Variants in NDFIP2 observed in about 807,000 individuals in gnomAD.
NDFIP2 encodes Nedd4 family interacting protein 2.
A neutral mutation model predicts 36.0 loss-of-function variants in NDFIP2; 19 were observed. The observed-to-expected ratio is 0.53, with a 90% CI of 0.37 to 0.77. The LOEUF (loss-of-function observed/expected upper bound fraction) is 0.77. Ranked by LOEUF, NDFIP2 falls within the 30% of genes least tolerant of loss-of-function variation. The probability of loss-of-function intolerance (pLI) is 0.00; values close to 1 mark genes in which losing one functional copy is unlikely to be tolerated. For synonymous variants in NDFIP2, 181 were observed against 167.7 expected (o/e 1.08, Z -0.61); for missense variants, 446 against 435.8 (o/e 1.02, Z -0.21).
At chr13:79,549,731 T>G (rs970358190) in intron 6 of NDFIP2, among the ~76,000 whole-genome samples, 1 of 151,830 alleles carries the variant, frequency 6.6e-6, no homozygotes, top group Non-Finnish European at 1.5e-5. Flanking sequence ...AAGGAAGGGA[T>G]CCCACAAATA....
chr13:79,521,001 A>G (rs759379013), intron 2 of NDFIP2, 26 bp downstream of exon 2: 2 of 1,521,210 alleles, frequency 1.3e-6, no homozygotes, highest in South Asian at 1.2e-5. Context: ...TAATGTTTTT[A>G]TTAGTTCTTT....
In NDFIP2 at chr13:79,552,964, T is replaced by G. The variant is rs1875962536; in HGVS notation, c.*451T>G. The G allele has an allele frequency of 6.6e-6, 1 of 151,876 alleles. No homozygotes were observed. Among genetic ancestry groups the G allele is most frequent in the Non-Finnish European group, 1.5e-5 (1 of 67,480 alleles). 9.4% of individuals were successfully genotyped at this position (151,876 alleles called of 1,614,324 possible). On this transcript the variant is annotated 3_prime_UTR_variant, in exon 8 of 8. Coordinates refer to ENST00000218652, the MANE Select transcript of NDFIP2 (RefSeq NM_019080.3). ...CTGGCTCTTAGACTCATCTGGCAGT[T>G]CTACACATGAAACATCTTTTGTTAT... is the stretch of plus-strand genomic sequence containing the variant.
chr13:79,548,437 C>CA (rs1566669330), intron 6 of NDFIP2, 43 bp downstream of exon 6: 1 of 1,380,326 alleles, frequency 7.2e-7, no homozygotes, highest in South Asian at 1.3e-5. Flanking sequence ...TGGATATTTC[C>CA]AAAAACTGTA....
At chr13:79,484,346 G>A (rs750758625) in intron 1 of NDFIP2, among the ~76,000 whole-genome samples, 1 of 152,072 alleles carries the variant, frequency 6.6e-6, no homozygotes, top group Non-Finnish European at 1.5e-5. Context: ...TTATGTACCT[G>A]TACCAAGCTG....
chr13:79,500,692 A>T (rs552898316), intron 1 of NDFIP2, among the ~76,000 whole-genome samples: 10 of 152,110 alleles, frequency 6.6e-5, no homozygotes, highest in Non-Finnish European at 1.2e-4. Context: ...TGGAACAAGA[A>T]CTCTCATTCA....
At chr13:79,534,360 T>TG (rs1008560647) in intron 3 of NDFIP2, among the ~76,000 whole-genome samples, 7 of 148,646 alleles carry the variant, frequency 4.7e-5, no homozygotes, top group African/African-American at 1.7e-4. Context: ...GTTTTTTTTT[T>TG]TTTTTTTTTT....
intron 1 of NDFIP2, among the ~76,000 whole-genome samples, chr13:79,484,731 A>T (rs1259742647): frequency 1.3e-5 from 2 of 152,180 alleles, no homozygotes; most frequent in Non-Finnish European, 1.5e-5. Flanking sequence ...AAATTAGCTG[A>T]GAAGGAGGCT....
At chr13:79,516,625 G>GT (rs1874350765) in intron 1 of NDFIP2, among the ~76,000 whole-genome samples, 1 of 152,046 alleles carries the variant, frequency 6.6e-6, no homozygotes. Flanking sequence ...ATATTCATTG[G>GT]TTTTTTAGAT....
chr13:79,541,246 A>G (rs766536968), intron 4 of NDFIP2, among the ~76,000 whole-genome samples: 4 of 151,782 alleles, frequency 2.6e-5, no homozygotes, highest in Non-Finnish European at 5.9e-5. Flanking sequence ...CAGAAGTCTT[A>G]TTTCTCCGTT....
chr13:79,493,578 A>G (rs189447162), intron 1 of NDFIP2, among the ~76,000 whole-genome samples: 1 of 152,244 alleles, frequency 6.6e-6, no homozygotes, highest in African/African-American at 2.4e-5. Context: ...CAATCTTCTC[A>G]TTTTACAGAA....
chr13:79,531,035 C>G (rs189304567), intron 2 of NDFIP2, among the ~76,000 whole-genome samples: 4 of 152,238 alleles, frequency 2.6e-5, no homozygotes, highest in African/African-American at 9.6e-5. Context: ...AAATATAGCT[C>G]TAAAATCATA....
At chr13:79,519,766 T>G (rs890102686) in intron 1 of NDFIP2, among the ~76,000 whole-genome samples, 4 of 152,182 alleles carry the variant, frequency 2.6e-5, no homozygotes, top group Non-Finnish European at 5.9e-5. Context: ...ACACATCAAC[T>G]TATTTTGCTT....
At chr13:79,540,792 T>C (rs967786921) in intron 4 of NDFIP2, among the ~76,000 whole-genome samples, 1 of 152,130 alleles carries the variant, frequency 6.6e-6, no homozygotes, top group Non-Finnish European at 1.5e-5. Context: ...GGGAGGGGAA[T>C]GAGCAAGGAG....
At chr13:79,539,616 A>T (rs916763637) in intron 3 of NDFIP2, 66 bp from the exon 4 acceptor site, 1 of 1,291,448 alleles carries the variant, frequency 7.7e-7, no homozygotes, top group Non-Finnish European at 1.1e-6. Context: ...TGAAGTTCTT[A>T]TGCTTACATT....
chr13:79,542,074 A>G (rs1402777019), intron 4 of NDFIP2, among the ~76,000 whole-genome samples: 1 of 152,196 alleles, frequency 6.6e-6, no homozygotes, highest in African/African-American at 2.4e-5. Context: ...AAGAGAATGG[A>G]ACAGAATTTG....
rs1875992559 is a variant in NDFIP2 at position 79,553,726 on chromosome 13, A to T, written c.*1213A>T. On this transcript the variant is annotated 3_prime_UTR_variant, in exon 8 of 8. Transcript: ENST00000218652. The stretch of plus-strand genomic sequence containing the variant: ...CTGTGGGGTCTGTGTGTGTAGTGAG[A>T]GTGTGTAGCCACTATTATAACTGGA... 1 of 151,944 alleles carries T rather than the reference A, an allele frequency of 6.6e-6. No homozygotes were observed. Among genetic ancestry groups the T allele is most frequent in the South Asian group, 2.1e-4 (1 of 4,826 alleles). The allele number at this position is 151,944 out of a possible 1,614,324, so 9.4% of individuals were successfully genotyped here.
chr13:79,529,744 G>T (rs1184036939), intron 2 of NDFIP2, among the ~76,000 whole-genome samples: 1 of 152,120 alleles, frequency 6.6e-6, no homozygotes, highest in Non-Finnish European at 1.5e-5. Flanking sequence ...TACAGTAGAA[G>T]TATTGCTAGA....
chr13:79,503,385 G>GCC (rs1873740603), intron 1 of NDFIP2, among the ~76,000 whole-genome samples: 3 of 152,132 alleles, frequency 2.0e-5, no homozygotes, highest in Admixed American at 2.0e-4. Context: ...AGGATAAGCG[G>GCC]ACTAGAGAAT....
chr13:79,516,878 T>G (rs767003158), intron 1 of NDFIP2, among the ~76,000 whole-genome samples: 3 of 152,186 alleles, frequency 2.0e-5, no homozygotes, highest in Non-Finnish European at 4.4e-5. Context: ...AAGGAAAGCA[T>G]CCAGTTATTA....
Sources: gnomAD v4.1 joint callset for allele counts (sites outside exome capture counted in the v4.1 genomes callset) on GRCh38, gnomAD v4.1.1 for gene constraint, MANE v1.5 for transcripts, NCBI Gene and HGNC (gene_info 2026-07-23, HGNC 2026-07-21) for gene names.